Variants in PCSK6 observed in about 807,000 individuals in gnomAD.
PCSK6 encodes the protein paired basic amino acid cleaving enzyme 4.
In PCSK6, 85 loss-of-function variants were observed where a neutral mutation model predicts 123.3. The ratio of observed to expected loss-of-function variants is 0.69; its 90% CI spans 0.58 to 0.83. The LOEUF (loss-of-function observed/expected upper bound fraction) is 0.83, where lower values mean the gene tolerates loss of function less well. Ranked by LOEUF, PCSK6 falls within the 40% of genes least tolerant of loss-of-function variation. The pLI is 0.00. For missense variants in PCSK6, 1,191 were observed against 1,282.3 expected (o/e 0.93, Z 1.09); for synonymous variants, 508 against 516.0 (o/e 0.98, Z 0.21).
At chr15:101,486,386 C>G (rs1173103691) in intron 1 of PCSK6, among the ~76,000 whole-genome samples, 1 of 152,250 alleles carries the variant, frequency 6.6e-6, no homozygotes, top group Non-Finnish European at 1.5e-5. Flanking sequence ...CTTTCGTCTT[C>G]TCAGATGTGC....
intron 1 of PCSK6, among the ~76,000 whole-genome samples, chr15:101,483,426 T>A (rs1230654084): frequency 6.6e-6 from 1 of 152,204 alleles, no homozygotes; most frequent in Non-Finnish European, 1.5e-5. Context: ...AAGTTCAAGA[T>A]CATTTAAGGC....
intron 1 of PCSK6, among the ~76,000 whole-genome samples, chr15:101,449,879 T>A (rs2056988304): frequency 6.6e-6 from 1 of 152,094 alleles, no homozygotes; most frequent in African/African-American, 2.4e-5. Flanking sequence ...CTCTCCCGCC[T>A]AAGGGGGTCC....
chr15:101,403,272 G>T (rs1158904045), intron 6 of PCSK6, among the ~76,000 whole-genome samples: 1 of 120,300 alleles, frequency 8.3e-6, no homozygotes, highest in African/African-American at 3.2e-5. Context: ...GGACTGTTGT[G>T]GGGTGGGGGG....
intron 12 of PCSK6, 82 bp from the exon 13 acceptor site, chr15:101,366,414 C>A: frequency 6.9e-7 from 1 of 1,452,494 alleles, no homozygotes; most frequent in Non-Finnish European, 9.4e-7. Context: ...GCAGGGCTCT[C>A]GGGGGACTGT....
In PCSK6 at chr15:101,421,708, C is replaced by T. The variant is rs75649842; in HGVS notation, c.823+6184G>A. Among the ~76,000 whole-genome samples, 269 of 152,328 alleles carry T rather than the reference C, an allele frequency of 1.8e-3. 1 individual carries two copies. The highest frequency in any genetic ancestry group is 5.9e-3 in the African/African-American group (245 of 41,576). ...CAGTCAAGTCTTCAGACTACAATCA[C>T]AGCCAACAGCTTGACTGGAACTTCA... On this transcript the variant is annotated intron_variant, in intron 6 of 21. Coordinates refer to ENST00000611716, the MANE Select transcript of PCSK6 (RefSeq NM_002570.5).
chr15:101,328,947 G>C (rs1428112637), intron 15 of PCSK6, among the ~76,000 whole-genome samples: 1 of 152,248 alleles, frequency 6.6e-6, no homozygotes, highest in Non-Finnish European at 1.5e-5. Flanking sequence ...TTCTGGTCCA[G>C]CTGCAGCTCA....
intron 6 of PCSK6, among the ~76,000 whole-genome samples, chr15:101,417,909 T>A (rs1353990648): frequency 1.3e-5 from 2 of 151,980 alleles, no homozygotes; most frequent in Admixed American, 1.3e-4. Flanking sequence ...AGGGGTTATA[T>A]GTGCAAATTT....
chr15:101,449,917 T>G (rs2056989575), intron 1 of PCSK6, among the ~76,000 whole-genome samples: 1 of 151,872 alleles, frequency 6.6e-6, no homozygotes, highest in African/African-American at 2.4e-5. Flanking sequence ...AATGGCTGAG[T>G]CCTCCAGGGG....
chr15:101,471,041 A>G (rs1237233766), intron 1 of PCSK6, among the ~76,000 whole-genome samples: 2 of 152,166 alleles, frequency 1.3e-5, no homozygotes, highest in Non-Finnish European at 2.9e-5. Context: ...TCTCCTCCGC[A>G]GGAAGGTCCT....
In PCSK6 at chr15:101,326,458, C is replaced by G. The variant is rs767327316; in HGVS notation, c.2099G>C (p.Gly700Ala). 3.2e-6 allele frequency: 5 copies of G among 1,582,756 alleles called. No individual in the cohort carries two copies. Among genetic ancestry groups the G allele is most frequent in the Non-Finnish European group, 4.3e-6 (5 of 1,164,114 alleles). Residue 700 changes from glycine (G) to alanine (A), a missense_variant, in exon 16 of 22, where the codon GGT (glycine) becomes GCT (alanine). This residue lies in a region of PCSK6 where 630 missense variants were observed against 631.4 expected (regional missense o/e 1.00). Transcript: ENST00000611716. ...ATTGGGGCCATCACAGCCTTTGTCA[C>G]CACACTCCGGATGGCACACACCTTA... ...LQTSVCHPEC[G>A]DKGCDGPNAD...
rs750656202 is a variant in PCSK6, at chr15:101,370,327, C to A, written c.1721+8G>T. ...CCAGACCCCATCCCCACGCCTGCCT[C>A]GCCTTACCTCTTTGCCAGAAGTTGA... On this transcript the variant is annotated splice_region_variant and intron_variant, in intron 12 of 21. Coordinates refer to ENST00000611716, the MANE Select transcript of PCSK6 (RefSeq NM_002570.5). The A allele has an allele frequency of 6.6e-7, 1 of 1,518,328 alleles. No individual in the cohort carries two copies. Among genetic ancestry groups the A allele is most frequent in the Admixed American group, 2.1e-5 (1 of 48,608 alleles). 94.1% of individuals were successfully genotyped at this position (1,518,328 alleles called of 1,614,324 possible).
intron 18 of PCSK6, among the ~76,000 whole-genome samples, chr15:101,320,338 G>A (rs1001840563): frequency 3.3e-5 from 5 of 152,058 alleles, no homozygotes; most frequent in African/African-American, 4.8e-5. Flanking sequence ...TGCCTGCCTC[G>A]GCCTCCCAAA....
At chr15:101,389,336 C>A (rs115212528) in intron 9 of PCSK6, 128 bp downstream of exon 9, 2 of 714,552 alleles carry the variant, frequency 2.8e-6, no homozygotes, top group Admixed American at 2.1e-5. Flanking sequence ...TGCAGGTGCA[C>A]GACTCACTGA....
At chr15:101,365,925 G>C in intron 13 of PCSK6, 1 of 264,002 alleles carries the variant, frequency 3.8e-6, no homozygotes, top group Non-Finnish European at 7.1e-6. Flanking sequence ...AATGGGGAGT[G>C]GCTGCTTCAT....
At chr15:101,417,702 ACATTC>A (rs1344308660) in intron 6 of PCSK6, among the ~76,000 whole-genome samples, 1 of 152,178 alleles carries the variant, frequency 6.6e-6, no homozygotes, top group Non-Finnish European at 1.5e-5. Flanking sequence ...AACTAAATAC[ACATTC>A]CATTCAAGGA....
chr15:101,362,173 G>A (rs1356479831), intron 13 of PCSK6, among the ~76,000 whole-genome samples: 1 of 152,014 alleles, frequency 6.6e-6, no homozygotes, highest in Non-Finnish European at 1.5e-5. Context: ...GGCCAGGATG[G>A]TCTCGATCTC....
intron 13 of PCSK6, among the ~76,000 whole-genome samples, chr15:101,352,138 T>G (rs1307524460): frequency 2.9e-5 from 1 of 34,672 alleles, no homozygotes; most frequent in Admixed American, 2.5e-4. Context: ...ATTTTTCTAA[T>G]TTTTTTTTTT....
At chr15:101,482,293 C>A (rs1399408858) in intron 1 of PCSK6, among the ~76,000 whole-genome samples, 1 of 152,154 alleles carries the variant, frequency 6.6e-6, no homozygotes, top group East Asian at 1.9e-4. Flanking sequence ...CTGGTGAGGG[C>A]CTTCGGAGCA....
chr15:101,481,166 G>C (rs1013663535), intron 1 of PCSK6, among the ~76,000 whole-genome samples: 2 of 152,340 alleles, frequency 1.3e-5, no homozygotes, highest in Middle Eastern at 3.4e-3. Flanking sequence ...CCAGAGCCCA[G>C]TGTCAGAAAC....
Sources: gnomAD v4.1 joint callset for allele counts (sites outside exome capture counted in the v4.1 genomes callset) on GRCh38, gnomAD v4.1.1 for gene constraint, gnomAD v4.1.1 regional missense constraint, MANE v1.5 for transcripts, NCBI Gene and HGNC (gene_info 2026-07-23, HGNC 2026-07-21) for gene names.